The following SMPX variants were observed in gnomAD, a reference collection of about 807,000 sequenced individuals.
The protein encoded by SMPX is small muscular protein.
A neutral mutation model predicts 6.3 loss-of-function variants in SMPX; 2 were observed. That is an observed-to-expected ratio of 0.32 (90% confidence interval 0.13 to 0.99). SMPX has a LOEUF of 0.99. Among genes scored for constraint, SMPX ranks in the 50% least tolerant of loss-of-function variants. SMPX has a pLI of 0.49. For missense variants in SMPX, 60 were observed against 66.8 expected (o/e 0.90, Z 0.36); for synonymous variants, 32 against 24.7 (o/e 1.30, Z -0.88).
At chrX:21,717,106 T>C (rs1024699756) in intron 4 of SMPX, among the ~76,000 whole-genome samples, 2 of 111,443 alleles carry the variant, frequency 1.8e-5, no homozygotes, top group African/African-American at 6.5e-5. Flanking sequence ...GGGGCTGATA[T>C]GGTTTGGCTG....
intron 1 of SMPX, 61 bp from the exon 2 acceptor site, chrX:21,754,363 A>G (rs2092830560): frequency 1.1e-6 from 1 of 903,195 alleles, no homozygotes; most frequent in East Asian, 3.1e-5. Context: ...GTCTTGATAA[A>G]TTAGAATTTA....
chrX:21,730,600 C>T (rs1262430595), intron 4 of SMPX, among the ~76,000 whole-genome samples: 4 of 111,688 alleles, frequency 3.6e-5, no homozygotes, highest in Non-Finnish European at 7.5e-5. Context: ...AGGCATAGAG[C>T]GCAAAGTTGC....
chrX:21,731,416 T>C (rs960764254), intron 4 of SMPX, among the ~76,000 whole-genome samples: 1 of 80,085 alleles, frequency 1.2e-5, no homozygotes, highest in African/African-American at 4.8e-5. Flanking sequence ...ATATAATATA[T>C]ATACACACAT....
At chrX:21,748,919 T>C (rs2092824396) in intron 2 of SMPX, among the ~76,000 whole-genome samples, 2 of 112,281 alleles carry the variant, frequency 1.8e-5, no homozygotes, top group African/African-American at 6.5e-5. Context: ...TTGTCATATA[T>C]TTGGAATCAT....
At chrX:21,716,275 T>C (rs2147373847) in intron 4 of SMPX, among the ~76,000 whole-genome samples, 1 of 112,239 alleles carries the variant, frequency 8.9e-6, no homozygotes, top group East Asian at 2.8e-4. Context: ...TCCAATCAAT[T>C]CATCAGAGAA....
At chrX:21,712,390 G>A (rs1052215573) in intron 4 of SMPX, among the ~76,000 whole-genome samples, 4 of 112,079 alleles carry the variant, frequency 3.6e-5, no homozygotes, top group African/African-American at 1.3e-4. Flanking sequence ...GTGCAGGACC[G>A]GGATAATTCG....
intron 2 of SMPX, among the ~76,000 whole-genome samples, chrX:21,747,474 A>G (rs1298583847): frequency 8.9e-6 from 1 of 112,090 alleles, no homozygotes; most frequent in Non-Finnish European, 1.9e-5. Flanking sequence ...GAAGAAAAGT[A>G]GAAAGAATTC....
chrX:21,716,241 T>C (rs758744895), intron 4 of SMPX, among the ~76,000 whole-genome samples: 1 of 112,188 alleles, frequency 8.9e-6, no homozygotes, highest in African/African-American at 3.2e-5. Context: ...TAAGCAACTT[T>C]GAAATAAAGC....
chrX:21,722,466 T>C (rs1312993694), intron 4 of SMPX, among the ~76,000 whole-genome samples: 2 of 112,059 alleles, frequency 1.8e-5, no homozygotes, highest in Non-Finnish European at 3.8e-5. Flanking sequence ...TACAACTGCA[T>C]GTAAATCTAG....
chrX:21,754,165 G>T, intron 2 of SMPX, 81 bp downstream of exon 2: 1 of 852,036 alleles, frequency 1.2e-6, no homozygotes, highest in Non-Finnish European at 1.8e-6. Flanking sequence ...TCTTCTTGAA[G>T]TTCACCATCA....
At chrX:21,717,239 G>A (rs2092786244) in intron 4 of SMPX, among the ~76,000 whole-genome samples, 1 of 111,720 alleles carries the variant, frequency 9.0e-6, no homozygotes, top group Admixed American at 9.5e-5. Flanking sequence ...TCGTGAGAGT[G>A]AGTTCTCATG....
chrX:21,726,572 A>G (rs1285337245), intron 4 of SMPX, among the ~76,000 whole-genome samples: 2 of 111,688 alleles, frequency 1.8e-5, no homozygotes, highest in African/African-American at 6.5e-5. Flanking sequence ...TATACACACT[A>G]TGTGATTCAG....
At chrX:21,755,751 T>C (rs1013825863) in intron 1 of SMPX, among the ~76,000 whole-genome samples, 5 of 112,418 alleles carry the variant, frequency 4.4e-5, no homozygotes, top group Admixed American at 9.4e-5. Context: ...TATCCAAATA[T>C]ATAGTTTTTG....
At chrX:21,738,375 T>C (rs758275516) in intron 3 of SMPX, among the ~76,000 whole-genome samples, 10 of 111,526 alleles carry the variant, frequency 9.0e-5, no homozygotes, top group African/African-American at 3.3e-4. Flanking sequence ...TGAAAATCTA[T>C]GCCTCTATGT....
intron 3 of SMPX, among the ~76,000 whole-genome samples, chrX:21,742,244 T>TACCTTTTACC (rs2092816870): frequency 1.8e-5 from 2 of 111,436 alleles, no homozygotes; most frequent in African/African-American, 3.3e-5. Context: ...TATAGAAGAA[T>TACCTTTTACC]TCCACCGCCG....
At chrX:21,741,861 T>C (rs2092816411) in intron 3 of SMPX, among the ~76,000 whole-genome samples, 1 of 112,061 alleles carries the variant, frequency 8.9e-6, no homozygotes, top group African/African-American at 3.2e-5. Flanking sequence ...CTATGAAAAA[T>C]ACTAGTTGGC....
In SMPX at chrX:21,737,671, C is replaced by G; in HGVS notation, c.159G>C (p.Glu53Asp). The change falls in exon 4 of 5, where the codon GAG (glutamate) becomes GAC (aspartate). Residue 53 changes from glutamate to aspartate, a missense_variant. Glu to Asp is a conservative substitution (Grantham distance 45). Coordinates refer to ENST00000379494, the MANE Select transcript of SMPX (RefSeq NM_014332.3). ...TCTTCGCTCCTGGAATTGGCTTCTT[C>G]TCCTCATCCGAGGTGGGAGGAACAC... is the stretch of plus-strand genomic sequence containing the variant. ...EEGVPPTSDE[E>D]KKPIPGAKKL... 1 of 1,210,809 alleles carries G rather than the reference C, an allele frequency of 8.3e-7. No individual in the cohort carries two copies. The highest frequency in any genetic ancestry group is 2.2e-5 in the Admixed American group (1 of 46,056).
At chrX:21,731,755 T>A (rs201763473) in intron 4 of SMPX, among the ~76,000 whole-genome samples, 82 of 104,573 alleles carry the variant, frequency 7.8e-4, no homozygotes, top group Middle Eastern at 5.2e-3. Flanking sequence ...TGTACACATT[T>A]GTGTGTATAT....
At chrX:21,719,773 C>T (rs1262921628) in intron 4 of SMPX, among the ~76,000 whole-genome samples, 1 of 112,023 alleles carries the variant, frequency 8.9e-6, no homozygotes, top group Non-Finnish European at 1.9e-5. Flanking sequence ...TTCCTCAGTG[C>T]TCACACTATG....
Sources: gnomAD v4.1 joint callset for allele counts (sites outside exome capture counted in the v4.1 genomes callset) on GRCh38, gnomAD v4.1.1 for gene constraint, MANE v1.5 for transcripts, NCBI Gene and HGNC (gene_info 2026-07-23, HGNC 2026-07-21) for gene names.